Variants in BMPR1A observed in about 807,000 individuals in gnomAD.
The protein encoded by BMPR1A is bone morphogenetic protein receptor type 1A.
Under a neutral mutation model 66.0 loss-of-function variants are expected in BMPR1A, and 7 were observed. The observed-to-expected ratio is 0.11, with a 90% CI of 0.06 to 0.20. The LOEUF is 0.20. BMPR1A is among the 10% of genes least tolerant of loss of function. The probability of loss-of-function intolerance (pLI) is 1.00; values close to 1 mark genes in which losing one functional copy is unlikely to be tolerated. For missense variants in BMPR1A, 408 were observed against 669.1 expected (o/e 0.61, Z 4.31); for synonymous variants, 200 against 229.7 (o/e 0.87, Z 1.17).
chr10:86,877,242 C>G (rs1038840159), intron 3 of BMPR1A, among the ~76,000 whole-genome samples: 1 of 148,654 alleles, frequency 6.7e-6, no homozygotes, highest in African/African-American at 2.5e-5. Flanking sequence ...GAGTCTCGCT[C>G]TGTCACCGAG....
intron 5 of BMPR1A, among the ~76,000 whole-genome samples, chr10:86,897,442 A>G (rs926509929): frequency 2.0e-5 from 3 of 152,214 alleles, no homozygotes; most frequent in Admixed American, 6.5e-5. Flanking sequence ...TAGTGAAGCC[A>G]CAATGGGTCT....
intron 1 of BMPR1A, among the ~76,000 whole-genome samples, chr10:86,826,100 C>CT (rs888681475): frequency 4.6e-5 from 7 of 151,344 alleles, no homozygotes; most frequent in African/African-American, 1.5e-4. Flanking sequence ...GACATATATA[C>CT]TTTTTTTATT....
At chr10:86,773,778 ATATCT>A (rs1234400105) in intron 1 of BMPR1A, among the ~76,000 whole-genome samples, 12 of 152,006 alleles carry the variant, frequency 7.9e-5, no homozygotes, top group East Asian at 1.9e-4. Context: ...AAAGAAAAAG[ATATCT>A]TAAATAGACT....
intron 3 of BMPR1A, among the ~76,000 whole-genome samples, chr10:86,883,021 G>A (rs1485030617): frequency 6.6e-6 from 1 of 152,058 alleles, no homozygotes; most frequent in Non-Finnish European, 1.5e-5. Context: ...CTTATTTCAA[G>A]CATATGTCTA....
intron 3 of BMPR1A, among the ~76,000 whole-genome samples, chr10:86,881,160 G>GA (rs1842980713): frequency 6.6e-6 from 1 of 152,128 alleles, no homozygotes; most frequent in Admixed American, 6.5e-5. Flanking sequence ...AGAATCACTT[G>GA]AGCCCGGGAG....
chr10:86,779,670 G>C lies in BMPR1A; in HGVS notation c.-268+22751G>C, dbSNP rs553947476. Among the ~76,000 whole-genome samples the C allele has an allele frequency of 5.3e-5, 8 of 152,252 alleles. No individual in the cohort carries two copies. In the South Asian group the frequency reaches 1.5e-3, roughly 28 times the overall value. On this transcript the variant is annotated intron_variant, in intron 1 of 12. Coordinates refer to ENST00000372037, the MANE Select transcript of BMPR1A (RefSeq NM_004329.3). ...GCTGGAATGCTGTGGCCTGATCACT[G>C]TCCACTCTAAGCTCAACCTCCTGGG...
chr10:86,867,696 A>T (rs1842803467), intron 2 of BMPR1A, among the ~76,000 whole-genome samples: 1 of 152,238 alleles, frequency 6.6e-6, no homozygotes, highest in Non-Finnish European at 1.5e-5. Flanking sequence ...AAAACAGATT[A>T]TCTATTTGAA....
At chr10:86,847,462 T>C (rs1031488804) in intron 2 of BMPR1A, among the ~76,000 whole-genome samples, 5 of 152,166 alleles carry the variant, frequency 3.3e-5, no homozygotes. Context: ...CTCTGTCTTT[T>C]ATAGGGCAGG....
chr10:86,857,965 G>C (rs895863180), intron 2 of BMPR1A, among the ~76,000 whole-genome samples: 1 of 151,960 alleles, frequency 6.6e-6, no homozygotes, highest in African/African-American at 2.4e-5. Context: ...CCTGTATCCT[G>C]TTTGTTAGAA....
chr10:86,887,500 TA>T (rs1316367072), intron 3 of BMPR1A, among the ~76,000 whole-genome samples: 3 of 152,218 alleles, frequency 2.0e-5, no homozygotes, highest in Non-Finnish European at 2.9e-5. Flanking sequence ...AGCACTTTAG[TA>T]AATATTCATT....
chr10:86,807,585 G>C (rs1841907423), intron 1 of BMPR1A, among the ~76,000 whole-genome samples: 1 of 151,788 alleles, frequency 6.6e-6, no homozygotes, highest in South Asian at 2.1e-4. Flanking sequence ...GTCTTGCTAT[G>C]TTGGCTAGTC....
Position 86,923,800 on chromosome 10 carries a change from G to C in BMPR1A, c.*81G>C, listed in dbSNP as rs973137037. On this transcript the variant is annotated 3_prime_UTR_variant, in exon 13 of 13. Coordinates refer to ENST00000372037, the MANE Select transcript of BMPR1A (RefSeq NM_004329.3). ...CATGGGTGGAATTAGAGTGGAATAA[G>C]GATGTTAACTTGGTTCTCAGACTCT... The C allele has an allele frequency of 1.9e-6, 3 of 1,558,262 alleles. No individual in the cohort carries two copies. The Admixed American group carries it at 5.0e-5, about 26-fold the overall frequency.
intron 3 of BMPR1A, among the ~76,000 whole-genome samples, chr10:86,886,884 T>G (rs1229440176): frequency 2.1e-5 from 3 of 145,602 alleles, no homozygotes; most frequent in African/African-American, 7.6e-5. Flanking sequence ...CAGGCTGAAG[T>G]GCAATGGCTT....
intron 7 of BMPR1A, 26 bp downstream of exon 7, chr10:86,900,152 A>G: frequency 6.2e-7 from 1 of 1,606,124 alleles, no homozygotes; most frequent in Non-Finnish European, 8.5e-7. Context: ...TTTTGAAGCA[A>G]AATATTTTGT....
At chr10:86,846,259 A>G (rs895962866) in intron 2 of BMPR1A, among the ~76,000 whole-genome samples, 6 of 152,118 alleles carry the variant, frequency 3.9e-5, no homozygotes, top group Non-Finnish European at 8.8e-5. Context: ...CCTTCATAAG[A>G]AGGAGCCCAT....
intron 2 of BMPR1A, among the ~76,000 whole-genome samples, chr10:86,870,683 C>T (rs544918896): frequency 2.3e-4 from 35 of 152,218 alleles, no homozygotes; most frequent in African/African-American, 8.2e-4. Context: ...CTCAGCCTTC[C>T]AAAGTGCTGA....
intron 1 of BMPR1A, among the ~76,000 whole-genome samples, chr10:86,822,275 A>G (rs1842130671): frequency 6.6e-6 from 1 of 152,190 alleles, no homozygotes; most frequent in African/African-American, 2.4e-5. Flanking sequence ...TTTTTATTCT[A>G]GTCCCAGTCT....
chr10:86,867,168 C>T (rs1256422281), intron 2 of BMPR1A, among the ~76,000 whole-genome samples: 1 of 152,086 alleles, frequency 6.6e-6, no homozygotes, highest in Non-Finnish European at 1.5e-5. Flanking sequence ...ATCCCTAATC[C>T]AAAAATCTGA....
intron 2 of BMPR1A, among the ~76,000 whole-genome samples, chr10:86,859,440 G>GT (rs2133224940): frequency 6.6e-6 from 1 of 152,058 alleles, no homozygotes; most frequent in Admixed American, 6.6e-5. Context: ...AAGTGCTGGG[G>GT]TTATAGGTGT....
Sources: allele counts gnomAD v4.1 joint callset (sites outside exome capture counted in the v4.1 genomes callset), GRCh38; gene constraint gnomAD v4.1.1; transcripts MANE v1.5; gene names NCBI Gene and HGNC (gene_info 2026-07-23, HGNC 2026-07-21).